STPG2: variants seen among roughly 807,000 people sequenced by gnomAD.
STPG2 encodes the protein sperm tail PG-rich repeat containing 2.
STPG2 carries 56 observed loss-of-function variants against 54.2 expected under a neutral mutation model. The ratio of observed to expected loss-of-function variants is 1.03; its 90% CI spans 0.83 to 1.29. The LOEUF is 1.29. Among genes scored for constraint, STPG2 ranks in the 50% most tolerant of loss-of-function variants. The pLI, the probability that STPG2 is intolerant of heterozygous loss-of-function variation, is 0.00. For synonymous variants in STPG2, 200 were observed against 181.8 expected, an observed-to-expected ratio of 1.10 and a Z score of -0.81; for missense variants, 596 against 544.9, an observed-to-expected ratio of 1.09 and a Z score of -0.93.
chr4:97,851,763 C>G (rs1351150898), intron 8 of STPG2, among the ~76,000 whole-genome samples: 1 of 152,024 alleles, frequency 6.6e-6, no homozygotes, highest in Non-Finnish European at 1.5e-5. Flanking sequence ...CTTCTCTTTG[C>G]TATCAAAAAG....
intron 9 of STPG2, among the ~76,000 whole-genome samples, chr4:97,740,680 G>C (rs903713301): frequency 3.3e-5 from 5 of 152,054 alleles, no homozygotes; most frequent in African/African-American, 9.7e-5. Flanking sequence ...TCTTCAAGGA[G>C]AACTACAAAC....
At chr4:97,498,461 A>G (rs1265961470) in intron 4 of STPG2, among the ~76,000 whole-genome samples, 2 of 151,966 alleles carry the variant, frequency 1.3e-5, no homozygotes, top group East Asian at 3.9e-4. Context: ...ATACTGTTGA[A>G]TTTTGTTGTT....
chr4:97,860,898 T>A (rs747435788), intron 8 of STPG2, among the ~76,000 whole-genome samples: 6 of 152,196 alleles, frequency 3.9e-5, no homozygotes, highest in Non-Finnish European at 5.9e-5. Context: ...TTCAACATGA[T>A]GTTTCCTTGG....
At chr4:97,476,343 T>G (rs1399602717) in intron 4 of STPG2, among the ~76,000 whole-genome samples, 1 of 152,160 alleles carries the variant, frequency 6.6e-6, no homozygotes, top group East Asian at 1.9e-4. Flanking sequence ...AATTTTCTAA[T>G]TTGTTATTTT....
intron 9 of STPG2, among the ~76,000 whole-genome samples, chr4:97,722,917 C>T (rs921003359): frequency 6.6e-6 from 1 of 150,602 alleles, no homozygotes; most frequent in Non-Finnish European, 1.5e-5. Context: ...CCTGCCTCAG[C>T]CTCCTGAGTA....
chr4:97,792,217 T>C (rs978374357), intron 9 of STPG2, among the ~76,000 whole-genome samples: 3 of 152,194 alleles, frequency 2.0e-5, no homozygotes, highest in African/African-American at 7.2e-5. Flanking sequence ...GTATATACTA[T>C]ATAGTTCTAG....
chr4:98,130,286 G>A (rs773528295), intron 2 of STPG2, among the ~76,000 whole-genome samples: 5 of 147,194 alleles, frequency 3.4e-5, no homozygotes, highest in Admixed American at 1.4e-4. Flanking sequence ...AGTGATTCTC[G>A]TGCCTCAGCC....
chr4:97,899,761 C>A (rs1560577969), intron 8 of STPG2, among the ~76,000 whole-genome samples: 1 of 151,954 alleles, frequency 6.6e-6, no homozygotes, highest in Non-Finnish European at 1.5e-5. Context: ...GGATAACTGG[C>A]AGCTACATGC....
At chr4:97,837,137 T>G (rs1728658077) in intron 9 of STPG2, among the ~76,000 whole-genome samples, 1 of 151,716 alleles carries the variant, frequency 6.6e-6, no homozygotes, top group South Asian at 2.1e-4. Context: ...ACTCCACTTT[T>G]CTTTCCATTT....
At chr4:97,480,076 A>T (rs1730180789) in intron 4 of STPG2, among the ~76,000 whole-genome samples, 1 of 151,782 alleles carries the variant, frequency 6.6e-6, no homozygotes, top group Non-Finnish European at 1.5e-5. Context: ...CTTCAAAATG[A>T]TCAAAAATAT....
chr4:97,574,217 T>TA (rs943187380), intron 10 of STPG2, among the ~76,000 whole-genome samples: 22 of 151,694 alleles, frequency 1.5e-4, no homozygotes, highest in Admixed American at 7.9e-4. Context: ...AACCCTCTGT[T>TA]AAAAAAAAGT....
chr4:97,904,054 G>C (rs1488330734), intron 8 of STPG2, among the ~76,000 whole-genome samples: 1 of 152,210 alleles, frequency 6.6e-6, no homozygotes, highest in Non-Finnish European at 1.5e-5. Flanking sequence ...GGCTTGCTTA[G>C]GTAAACAAAG....
chr4:97,988,767 G>A (rs535478035), intron 5 of STPG2, among the ~76,000 whole-genome samples: 1 of 152,178 alleles, frequency 6.6e-6, no homozygotes, highest in African/African-American at 2.4e-5. Context: ...CACCAGGCCC[G>A]GCTAACTTTT....
intron 4 of STPG2, among the ~76,000 whole-genome samples, chr4:97,537,585 G>C (rs982164453): frequency 6.6e-6 from 1 of 152,170 alleles, no homozygotes; most frequent in Non-Finnish European, 1.5e-5. Context: ...GCTCAAGGAG[G>C]CCTGCCTGCT....
At chr4:97,630,839 T>C (rs1721251177) in intron 10 of STPG2, among the ~76,000 whole-genome samples, 1 of 151,846 alleles carries the variant, frequency 6.6e-6, no homozygotes, top group African/African-American at 2.4e-5. Flanking sequence ...TATTATGTAA[T>C]AACTGATTCA....
chr4:97,562,550 C>A (rs1455225075), intron 10 of STPG2, among the ~76,000 whole-genome samples: 1 of 152,108 alleles, frequency 6.6e-6, no homozygotes, highest in African/African-American at 2.4e-5. Context: ...GCAGTTTTTG[C>A]CCATTCAGTA....
chr4:97,943,026 C>G (rs1330585794), intron 8 of STPG2, among the ~76,000 whole-genome samples: 1 of 152,124 alleles, frequency 6.6e-6, no homozygotes, highest in African/African-American at 2.4e-5. Flanking sequence ...TCTCACAGGT[C>G]TGCAGGCTGG....
At chr4:97,470,560 A>G (rs1222132155) in intron 4 of STPG2, among the ~76,000 whole-genome samples, 1 of 152,124 alleles carries the variant, frequency 6.6e-6, no homozygotes, top group Non-Finnish European at 1.5e-5. Flanking sequence ...TGTATATACT[A>G]TGTTGTTGTT....
At chr4:97,944,738 T>C (rs966024130) in intron 7 of STPG2, among the ~76,000 whole-genome samples, 9 of 152,176 alleles carry the variant, frequency 5.9e-5, no homozygotes, top group African/African-American at 1.9e-4. Context: ...TAGTAGCTAA[T>C]AGACATATTT....
Sources: gnomAD v4.1 joint callset for allele counts (sites outside exome capture counted in the v4.1 genomes callset) on GRCh38, gnomAD v4.1.1 for gene constraint, MANE v1.5 for transcripts, NCBI Gene and HGNC (gene_info 2026-07-23, HGNC 2026-07-21) for gene names.